Variants in SLC4A10 observed in about 807,000 individuals in gnomAD.
The protein encoded by SLC4A10 is sodium-driven chloride bicarbonate exchanger.
SLC4A10 carries 42 observed loss-of-function variants against 137.7 expected under a neutral mutation model. The observed-to-expected ratio is 0.30, with a 90% CI of 0.24 to 0.39. The LOEUF is 0.39. SLC4A10 is among the 10% of genes least tolerant of loss of function. The pLI, the probability that SLC4A10 is intolerant of heterozygous loss-of-function variation, is 1.00. For missense variants in SLC4A10, 925 were observed against 1,355.0 expected (o/e 0.68, Z 4.98); for synonymous variants, 474 against 464.1 (o/e 1.02, Z -0.27).
At chr2:161,659,886 G>A (rs1030649171) in intron 1 of SLC4A10, among the ~76,000 whole-genome samples, 1 of 152,140 alleles carries the variant, frequency 6.6e-6, no homozygotes, top group Non-Finnish European at 1.5e-5. Context: ...TATGTTAAGT[G>A]AAAGAAGCCA....
chr2:161,815,515 A>C (rs1275761466), intron 3 of SLC4A10, among the ~76,000 whole-genome samples: 1 of 152,122 alleles, frequency 6.6e-6, no homozygotes, highest in Non-Finnish European at 1.5e-5. Flanking sequence ...GCCTCAGGGA[A>C]GCTCTTTATC....
intron 1 of SLC4A10, among the ~76,000 whole-genome samples, chr2:161,755,793 C>T (rs551428574): frequency 2.6e-3 from 375 of 142,690 alleles, no homozygotes; most frequent in African/African-American, 9.1e-3. Context: ...TTTTTTGAGA[C>T]GGAGTCTTGC....
At chr2:161,909,088 G>T (rs1220061410) in intron 15 of SLC4A10, among the ~76,000 whole-genome samples, 25 of 110,736 alleles carry the variant, frequency 2.3e-4, no homozygotes, top group African/African-American at 8.6e-4. Context: ...GTTGTGGGGT[G>T]GGGGGAGGGG....
chr2:161,630,895 A>G (rs572026142), intron 1 of SLC4A10, among the ~76,000 whole-genome samples: 3 of 149,722 alleles, frequency 2.0e-5, no homozygotes, highest in Non-Finnish European at 3.0e-5. Context: ...ATTTGAAAAT[A>G]TTTTTTTAGT....
At chr2:161,698,458 C>G (rs958716183) in intron 1 of SLC4A10, among the ~76,000 whole-genome samples, 2 of 152,088 alleles carry the variant, frequency 1.3e-5, no homozygotes, top group Non-Finnish European at 2.9e-5. Context: ...ATAAATAGCT[C>G]TTATTATTTT....
chr2:161,668,678 C>T (rs1447168839), intron 1 of SLC4A10, among the ~76,000 whole-genome samples: 2 of 151,790 alleles, frequency 1.3e-5, no homozygotes, highest in East Asian at 1.9e-4. Context: ...TTTCAATTCT[C>T]ATATGTTGGA....
At chr2:161,808,362 C>A (rs1246761605) in intron 3 of SLC4A10, among the ~76,000 whole-genome samples, 1 of 151,996 alleles carries the variant, frequency 6.6e-6, no homozygotes, top group East Asian at 1.9e-4. Context: ...TATTTTAGCT[C>A]ATAGTTTTTG....
chr2:161,809,173 G>A (rs2056306041), intron 3 of SLC4A10, among the ~76,000 whole-genome samples: 1 of 152,024 alleles, frequency 6.6e-6, no homozygotes, highest in Non-Finnish European at 1.5e-5. Context: ...CTGCTTGTAT[G>A]TTTTCTTTTG....
chr2:161,893,414 A>T (rs2063117060), intron 10 of SLC4A10, among the ~76,000 whole-genome samples: 1 of 152,072 alleles, frequency 6.6e-6, no homozygotes, highest in Non-Finnish European at 1.5e-5. Flanking sequence ...ATATTTGAAA[A>T]GTCAGGGTGC....
At chr2:161,819,460 A>G (rs184062307) in intron 3 of SLC4A10, among the ~76,000 whole-genome samples, 1 of 151,848 alleles carries the variant, frequency 6.6e-6, no homozygotes, top group African/African-American at 2.4e-5. Flanking sequence ...TCTCCTTCCT[A>G]TTGCAATCAA....
chr2:161,913,696 T>C (rs1335058713), intron 15 of SLC4A10, among the ~76,000 whole-genome samples: 1 of 151,660 alleles, frequency 6.6e-6, no homozygotes, highest in East Asian at 1.9e-4. Context: ...TGAATTATAG[T>C]GAAGAGTAGA....
intron 6 of SLC4A10, 117 bp downstream of exon 6, chr2:161,863,179 T>C (rs1332134124): frequency 1.0e-6 from 1 of 999,650 alleles, no homozygotes; most frequent in Non-Finnish European, 1.4e-6. Flanking sequence ...ATTCAGATTA[T>C]TGTAGAATTC....
intron 5 of SLC4A10, among the ~76,000 whole-genome samples, chr2:161,862,463 G>A (rs1443138123): frequency 1.3e-5 from 2 of 152,016 alleles, no homozygotes; most frequent in South Asian, 2.1e-4. Flanking sequence ...ATTCAAACAC[G>A]TTATGAATTG....
chr2:161,762,813 G>A (rs1403872231), intron 1 of SLC4A10, among the ~76,000 whole-genome samples: 1 of 151,870 alleles, frequency 6.6e-6, no homozygotes, highest in Non-Finnish European at 1.5e-5. Flanking sequence ...GTATTTTAAC[G>A]TTAATGAGAA....
chr2:161,951,413 T>C (rs1258073687), intron 19 of SLC4A10, among the ~76,000 whole-genome samples: 3 of 152,208 alleles, frequency 2.0e-5, no homozygotes, highest in Non-Finnish European at 4.4e-5. Flanking sequence ...GTGTCTTAGT[T>C]ACATTCTGAC....
intron 1 of SLC4A10, among the ~76,000 whole-genome samples, chr2:161,759,779 TG>T: frequency 6.6e-6 from 1 of 152,008 alleles, no homozygotes. Context: ...ACCAGATACA[TG>T]GTTTGCAAAT....
At position 161,804,562 on chromosome 2, in the gene SLC4A10, G is replaced by A. The variant is rs1310853653; in HGVS notation, c.244G>A (p.Gly82Arg). 1.2e-6 allele frequency: 2 copies of A among 1,612,372 alleles called. No homozygotes were observed. Among genetic ancestry groups the A allele is most frequent in the East Asian group, 2.2e-5 (1 of 44,754 alleles). ...HRKRDRERDS[G>R]LEDGRESPSF... ...AAAGAGAGACAGAGAAAGAGATTCA[G>A]GATTAGAGGATGGAAGGGAGTCACC... The change falls in exon 3 of 27, where the codon GGA becomes AGA. Residue 82 changes from glycine (G) to arginine (R), a missense_variant. Physicochemically the swap from Gly to Arg is moderately radical, Grantham distance 125. Coordinates refer to ENST00000446997, the MANE Select transcript of SLC4A10 (RefSeq NM_001178015.2).
intron 1 of SLC4A10, among the ~76,000 whole-genome samples, chr2:161,625,920 A>C (rs2032268255): frequency 6.6e-6 from 1 of 152,086 alleles, no homozygotes; most frequent in Non-Finnish European, 1.5e-5. Context: ...GAAGTTTGTC[A>C]ATTACCCTGT....
intron 1 of SLC4A10, among the ~76,000 whole-genome samples, chr2:161,682,494 T>C (rs1248352931): frequency 6.6e-6 from 1 of 152,166 alleles, no homozygotes; most frequent in Non-Finnish European, 1.5e-5. Flanking sequence ...ATTGTGATGG[T>C]GACATATAAA....
Sources: allele counts gnomAD v4.1 joint callset (sites outside exome capture counted in the v4.1 genomes callset), GRCh38; gene constraint gnomAD v4.1.1; transcripts MANE v1.5; gene names NCBI Gene and HGNC (gene_info 2026-07-23, HGNC 2026-07-21).